Variants in BRWD1 observed in about 807,000 individuals in gnomAD.
BRWD1 encodes bromodomain and WD repeat domain containing 1.
A neutral mutation model predicts 251.2 loss-of-function variants in BRWD1; 82 were observed. The observed-to-expected ratio is 0.33, with a 90% confidence interval of 0.27 to 0.39. The LOEUF (loss-of-function observed/expected upper bound fraction) is 0.39. Among genes scored for constraint, BRWD1 ranks in the 10% least tolerant of loss-of-function variants. The pLI is 1.00. For missense variants in BRWD1, 2,233 were observed against 2,711.6 expected, an observed-to-expected ratio of 0.82 and a Z score of 3.92; for synonymous variants, 918 against 902.8, an observed-to-expected ratio of 1.02 and a Z score of -0.30.
At chr21:39,288,182 G>C (rs1331043155) in intron 8 of BRWD1, among the ~76,000 whole-genome samples, 1 of 152,230 alleles carries the variant, frequency 6.6e-6, no homozygotes, top group African/African-American at 2.4e-5. Context: ...AGGGCAGTTT[G>C]AGTGTGCAAT....
intron 4 of BRWD1, 115 bp from the exon 5 acceptor site, chr21:39,298,697 C>A: frequency 1.2e-6 from 1 of 815,084 alleles, no homozygotes; most frequent in South Asian, 3.3e-5. Flanking sequence ...GTAAAACATG[C>A]TGAGAGAAAT....
intron 32 of BRWD1, among the ~76,000 whole-genome samples, chr21:39,214,388 T>C (rs1283325727): frequency 2.6e-5 from 4 of 152,032 alleles, no homozygotes; most frequent in African/African-American, 9.7e-5. Flanking sequence ...CATGGGAAAA[T>C]ACCAAACAAA....
intron 11 of BRWD1, among the ~76,000 whole-genome samples, chr21:39,276,560 A>G (rs1464580719): frequency 6.6e-6 from 1 of 152,214 alleles, no homozygotes. Flanking sequence ...AGTAGCTAAA[A>G]ATAAGGCATT....
chr21:39,219,034 T>A (rs1001559085), intron 29 of BRWD1, among the ~76,000 whole-genome samples: 1 of 55,808 alleles, frequency 1.8e-5, no homozygotes, highest in Non-Finnish European at 3.5e-5. Context: ...TTTTAAAAAG[T>A]CAAGTCAAAA....
rs752494269 is a variant in BRWD1, at chr21:39,206,175, G to A, written c.4297C>T (p.Arg1433Ter). The A allele has an allele frequency of 2.5e-6, 4 of 1,613,418 alleles. No individual in the cohort carries two copies. The highest frequency in any genetic ancestry group is 1.7e-5 in the Admixed American group (1 of 59,946). The part of the protein sequence containing the change: ...KIGQKFNEKL[R>*]RSQRFKQRQN... ...CGTTGCTTGAACCTCTGGCTTCTTC[G>A]AAGTTTTTCATTGAATTTTTGACCA... Residue 1433 changes from arginine (R) to a stop codon, truncating the protein, a stop_gained, in exon 37 of 41, where the codon CGA becomes TGA. Transcript: ENST00000342449. LOFTEE classifies it high-confidence loss of function.
Position 39,193,844 on chromosome 21 carries a change from T to A in BRWD1, c.*2415A>T. ...TCAATGTAAACATTTTAACTATTAA[T>A]GATTTATTAATTTTCCTTAAAGGTA... is the stretch of plus-strand genomic sequence containing the variant. On this transcript the variant is annotated 3_prime_UTR_variant, in exon 41 of 41. Coordinates refer to ENST00000342449, the MANE Select transcript of BRWD1 (RefSeq NM_033656.4). 1.0e-6 allele frequency: 1 copy of A among 985,286 alleles called. No individual in the cohort carries two copies. The highest frequency in any genetic ancestry group is 1.2e-6 in the Non-Finnish European group (1 of 829,444). 61.0% of individuals were successfully genotyped at this position (985,286 alleles called of 1,614,324 possible). A position where few individuals can be genotyped will look rare whatever the true frequency, so the allele number is the denominator to read the frequency against.
In BRWD1 at chr21:39,313,319, C is replaced by T. The variant is rs757389952; in HGVS notation, c.50-20G>A. ...ACAGCTCTGCGGGAAGACAAGGAGT[C>T]AGGTCAAGCCCCGGCGGGGAGGGGA... On this transcript the variant is annotated intron_variant, in intron 1 of 40. Transcript: ENST00000342449. 1.0e-4 allele frequency: 159 copies of T among 1,530,582 alleles called. No individual in the cohort carries two copies. The African/African-American group carries it at 2.1e-3, about 20-fold the overall frequency. 94.8% of individuals were successfully genotyped at this position (1,530,582 alleles called of 1,614,324 possible).
At chr21:39,272,216 C>T (rs995093422) in intron 13 of BRWD1, among the ~76,000 whole-genome samples, 13 of 149,402 alleles carry the variant, frequency 8.7e-5, no homozygotes, top group Non-Finnish European at 1.6e-4. Context: ...GGGTGGATCA[C>T]GAGGTCAGGA....
intron 21 of BRWD1, among the ~76,000 whole-genome samples, chr21:39,243,370 T>G (rs1033656595): frequency 1.3e-5 from 2 of 152,140 alleles, no homozygotes; most frequent in Non-Finnish European, 2.9e-5. Context: ...CTATGAAAAT[T>G]ATCAGGACCA....
chr21:39,229,268 C>T (rs773662726), intron 26 of BRWD1, 44 bp downstream of exon 26: 1 of 1,512,192 alleles, frequency 6.6e-7, no homozygotes, highest in Non-Finnish European at 9.1e-7. Flanking sequence ...AGCAAAATGG[C>T]AAATTTAAAT....
intron 31 of BRWD1, 152 bp downstream of exon 31, chr21:39,218,000 A>G: frequency 1.3e-6 from 1 of 754,748 alleles, no homozygotes; most frequent in Middle Eastern, 4.3e-4. Flanking sequence ...ACCTACCCAT[A>G]GGCATCTAAC....
chr21:39,262,273 G>A (rs1200438879), intron 17 of BRWD1, among the ~76,000 whole-genome samples: 1 of 152,174 alleles, frequency 6.6e-6, no homozygotes, highest in Non-Finnish European at 1.5e-5. Flanking sequence ...TTAACCATTA[G>A]TGAATGCAAA....
chr21:39,276,678 C>A (rs1465241100), intron 11 of BRWD1, among the ~76,000 whole-genome samples: 10 of 152,182 alleles, frequency 6.6e-5, no homozygotes, highest in Non-Finnish European at 1.5e-4. Flanking sequence ...CCAACCCTGA[C>A]CAGTACTTCA....
At chr21:39,304,619 C>CAAA (rs56713321) in intron 4 of BRWD1, among the ~76,000 whole-genome samples, 1 of 148,044 alleles carries the variant, frequency 6.8e-6, no homozygotes. Flanking sequence ...GTCTGGAAAA[C>CAAA]AAAAAAAAAA....
At chr21:39,227,071 G>C (rs190825296) in intron 27 of BRWD1, among the ~76,000 whole-genome samples, 2 of 152,164 alleles carry the variant, frequency 1.3e-5, no homozygotes, top group African/African-American at 2.4e-5. Context: ...TGGGAGGATC[G>C]CTTGAGCCCA....
At position 39,192,857 on chromosome 21, in the gene BRWD1, C is replaced by A; in HGVS notation, c.*3402G>T. 1 of 981,520 alleles carries A rather than the reference C, an allele frequency of 1.0e-6. No homozygotes were observed. Among genetic ancestry groups the A allele is most frequent in the African/African-American group, 1.8e-5 (1 of 56,070 alleles). 60.8% of individuals were successfully genotyped at this position (981,520 alleles called of 1,614,324 possible). A position where few individuals can be genotyped will look rare whatever the true frequency, so the allele number is the denominator to read the frequency against. ...CACAATCAAGTTCAACTTGTACTAA[C>A]AGAAAATATTAAAATTCTTCCTATT... On this transcript the variant is annotated 3_prime_UTR_variant, in exon 41 of 41. Coordinates refer to ENST00000342449, the MANE Select transcript of BRWD1 (RefSeq NM_033656.4).
intron 21 of BRWD1, among the ~76,000 whole-genome samples, chr21:39,239,077 A>T (rs1482887123): frequency 6.6e-6 from 1 of 152,116 alleles, no homozygotes; most frequent in East Asian, 1.9e-4. Context: ...GTATATTGTG[A>T]ATATAAGTCA....
chr21:39,260,798 TGAG>T (rs2034717764), intron 17 of BRWD1, among the ~76,000 whole-genome samples: 1 of 152,066 alleles, frequency 6.6e-6, no homozygotes, highest in Admixed American at 6.5e-5. Flanking sequence ...CTAACTGAGT[TGAG>T]GAGACAGAGG....
At chr21:39,272,008 CAAAAAAAAA>C (rs376900840) in intron 13 of BRWD1, among the ~76,000 whole-genome samples, 6 of 115,192 alleles carry the variant, frequency 5.2e-5, no homozygotes, top group Admixed American at 2.9e-4. Flanking sequence ...CACTCCATTT[CAAAAAAAAA>C]AAAAAAAAGA....
Sources: allele counts gnomAD v4.1 joint callset (sites outside exome capture counted in the v4.1 genomes callset), GRCh38; gene constraint gnomAD v4.1.1; transcripts MANE v1.5; gene names NCBI Gene and HGNC (gene_info 2026-07-23, HGNC 2026-07-21).